Variants in PCDH15 observed in about 807,000 individuals in gnomAD.
PCDH15 encodes protocadherin related 15.
PCDH15 carries 129 observed loss-of-function variants against 178.5 expected under a neutral mutation model. The observed-to-expected ratio is 0.72, with a 90% CI of 0.63 to 0.84. The LOEUF is 0.84. Among genes scored for constraint, PCDH15 ranks in the 40% least tolerant of loss-of-function variants. The pLI is 0.00. For missense variants in PCDH15, 2,230 were observed against 2,099.9 expected (o/e 1.06, Z -1.21); for synonymous variants, 800 against 732.0 (o/e 1.09, Z -1.50).
chr10:55,198,142 G>GT (rs1403459132), intron 1 of PCDH15, among the ~76,000 whole-genome samples: 12 of 152,222 alleles, frequency 7.9e-5, no homozygotes, highest in South Asian at 4.1e-4. Context: ...CAAGTAATAT[G>GT]TTCTTCTTCA....
intron 1 of PCDH15, among the ~76,000 whole-genome samples, chr10:54,743,410 T>A (rs1346539438): frequency 6.6e-6 from 1 of 152,038 alleles, no homozygotes; most frequent in Non-Finnish European, 1.5e-5. Context: ...ACTATATGAC[T>A]CCTTCATTGT....
chr10:54,505,117 G>A (rs1004668254), intron 3 of PCDH15, among the ~76,000 whole-genome samples: 46 of 151,926 alleles, frequency 3.0e-4, no homozygotes, highest in African/African-American at 1.1e-3. Flanking sequence ...CCCAAATCAA[G>A]GAGTTATAAA....
intron 2 of PCDH15, among the ~76,000 whole-genome samples, chr10:55,129,536 T>A (rs573035300): frequency 6.6e-6 from 1 of 152,134 alleles, no homozygotes; most frequent in Non-Finnish European, 1.5e-5. Context: ...TCAATTCTTC[T>A]CTCTTATGAC....
At chr10:54,939,415 A>T (rs978647716) in intron 2 of PCDH15, among the ~76,000 whole-genome samples, 1 of 142,502 alleles carries the variant, frequency 7.0e-6, no homozygotes, top group Non-Finnish European at 1.5e-5. Context: ...GAATGGCATG[A>T]ACCCGGGAGG....
At chr10:55,383,388 C>G (rs1016759660) in intron 2 of PCDH15, among the ~76,000 whole-genome samples, 1 of 152,026 alleles carries the variant, frequency 6.6e-6, no homozygotes, top group Non-Finnish European at 1.5e-5. Flanking sequence ...AGGGGCATGG[C>G]GGGCTGGGGT....
chr10:55,217,558 G>T (rs1200064427), intron 1 of PCDH15, among the ~76,000 whole-genome samples: 1 of 151,644 alleles, frequency 6.6e-6, no homozygotes, highest in African/African-American at 2.4e-5. Context: ...CACAATTCAT[G>T]TGCTTTAAAA....
At chr10:55,623,507 C>T (rs182998858) in intron 2 of PCDH15, among the ~76,000 whole-genome samples, 152 of 151,770 alleles carry the variant, frequency 1.0e-3, no homozygotes, top group African/African-American at 3.5e-3. Flanking sequence ...AATGTAAATG[C>T]AAATGTAGTA....
chr10:54,397,098 A>G (rs1951327900), intron 3 of PCDH15, among the ~76,000 whole-genome samples: 1 of 152,114 alleles, frequency 6.6e-6, no homozygotes. Flanking sequence ...ACGAAACTTT[A>G]AACACTTTTC....
chr10:54,934,777 C>A (rs1280584421), intron 2 of PCDH15, among the ~76,000 whole-genome samples: 2 of 151,864 alleles, frequency 1.3e-5, no homozygotes, highest in South Asian at 2.1e-4. Flanking sequence ...GACACATGCA[C>A]ACGTATGTTT....
chr10:53,913,864 T>C (rs950179308), intron 25 of PCDH15, among the ~76,000 whole-genome samples: 1 of 152,006 alleles, frequency 6.6e-6, no homozygotes, highest in African/African-American at 2.4e-5. Flanking sequence ...AATCTACCTA[T>C]CTGACAAAGG....
intron 3 of PCDH15, among the ~76,000 whole-genome samples, chr10:54,481,584 C>G (rs1436158578): frequency 6.6e-6 from 1 of 151,726 alleles, no homozygotes; most frequent in Non-Finnish European, 1.5e-5. Flanking sequence ...TGGGGTCTCA[C>G]TAATCTAGAG....
chr10:53,856,384 A>C (rs2078748297), intron 28 of PCDH15, among the ~76,000 whole-genome samples: 2 of 152,058 alleles, frequency 1.3e-5, no homozygotes, highest in Non-Finnish European at 2.9e-5. Flanking sequence ...AGTTAACTAT[A>C]ACATACTCAG....
chr10:54,396,672 C>A (rs1478325060), intron 3 of PCDH15, among the ~76,000 whole-genome samples: 1 of 152,084 alleles, frequency 6.6e-6, no homozygotes, highest in Non-Finnish European at 1.5e-5. Context: ...AAAAGGGCCA[C>A]TTTTTAATTC....
At chr10:54,095,727 G>A (rs2094688391) in intron 15 of PCDH15, among the ~76,000 whole-genome samples, 1 of 152,100 alleles carries the variant, frequency 6.6e-6, no homozygotes, top group Admixed American at 6.6e-5. Flanking sequence ...CCAGAGAAGT[G>A]TCTGTAAATT....
At chr10:54,966,760 C>A (rs1256864048) in intron 2 of PCDH15, among the ~76,000 whole-genome samples, 2 of 152,024 alleles carry the variant, frequency 1.3e-5, no homozygotes, top group Non-Finnish European at 2.9e-5. Context: ...CTCTTTCCTG[C>A]TGCCATGAAA....
intron 7 of PCDH15, among the ~76,000 whole-genome samples, chr10:54,326,789 T>C (rs1459827130): frequency 6.6e-6 from 1 of 152,150 alleles, no homozygotes; most frequent in African/African-American, 2.4e-5. Flanking sequence ...GTTGAATCAA[T>C]GGTGATCCAT....
chr10:54,998,980 T>G (rs1839722144), intron 2 of PCDH15, among the ~76,000 whole-genome samples: 1 of 152,208 alleles, frequency 6.6e-6, no homozygotes, highest in African/African-American at 2.4e-5. Flanking sequence ...CTGTTTATTT[T>G]GTTTTGCTTT....
intron 2 of PCDH15, among the ~76,000 whole-genome samples, chr10:55,400,414 A>G (rs1838034252): frequency 6.6e-6 from 1 of 152,160 alleles, no homozygotes; most frequent in Admixed American, 6.5e-5. Flanking sequence ...TTATCACACC[A>G]CGTAACCTAG....
intron 2 of PCDH15, among the ~76,000 whole-genome samples, chr10:55,144,335 C>T (rs1838440278): frequency 6.6e-6 from 1 of 151,884 alleles, no homozygotes; most frequent in Non-Finnish European, 1.5e-5. Flanking sequence ...TCCTAGAGCT[C>T]AAAAACATCT....
Sources: gnomAD v4.1 joint callset for allele counts (sites outside exome capture counted in the v4.1 genomes callset) on GRCh38, gnomAD v4.1.1 for gene constraint, MANE v1.5 for transcripts, NCBI Gene and HGNC (gene_info 2026-07-23, HGNC 2026-07-21) for gene names.